Variants in PMM2 observed in about 807,000 individuals in gnomAD.
The protein encoded by PMM2 is phosphomannomutase 2, also known as mannose-6-phosphate isomerase.
PMM2 carries 35 observed loss-of-function variants against 33.2 expected under a neutral mutation model. The ratio of observed to expected loss-of-function variants is 1.06; its 90% CI spans 0.81 to 1.40. The LOEUF (loss-of-function observed/expected upper bound fraction) is 1.40. Ranked by LOEUF, PMM2 falls within the 40% of genes most tolerant of loss-of-function variation. PMM2 has a pLI of 0.00. For missense variants in PMM2, 386 were observed against 306.0 expected, an observed-to-expected ratio of 1.26 and a Z score of -1.95; for synonymous variants, 153 against 114.7, an observed-to-expected ratio of 1.33 and a Z score of -2.13.
intron 7 of PMM2, among the ~76,000 whole-genome samples, chr16:8,843,557 G>A (rs1027896802): frequency 6.6e-5 from 10 of 152,248 alleles, no homozygotes; most frequent in Admixed American, 6.5e-4. Context: ...GCTCCTGGGG[G>A]AGGAGGTTCT....
At position 8,833,027 on chromosome 16, in the gene PMM2, T is replaced by C; in HGVS notation, c.640-14697T>C. ...TATCCCCAGCTGCTAAAGCAATGCC[T>C]GGCGGGTAGAGGGTTTCGTGCGCGT... is the stretch of plus-strand genomic sequence containing the variant. On this transcript the variant is annotated intron_variant, in intron 7 of 7. Transcript: ENST00000268261. 3 of 485,680 alleles carry C rather than the reference T, an allele frequency of 6.2e-6. 1 individual carries two copies. The highest frequency in any genetic ancestry group is 8.0e-6 in the Non-Finnish European group (3 of 372,848). The allele number at this position is 485,680 out of a possible 1,614,324, so 30.1% of individuals were successfully genotyped here. A position where few individuals can be genotyped will look rare whatever the true frequency, so the allele number is the denominator to read the frequency against.
rs1402555831 is a variant in PMM2 at position 8,848,498 on chromosome 16, C to T, written c.*673C>T. 4 of 154,678 alleles carry T rather than the reference C, an allele frequency of 2.6e-5. No individual in the cohort carries two copies. The highest frequency in any genetic ancestry group is 1.9e-4 in the East Asian group (1 of 5,228). 9.6% of individuals were successfully genotyped at this position (154,678 alleles called of 1,614,324 possible). ...GTTTGCACCTCGGCTGGGCCGGATT[C>T]GGACCGGCTCTGTGTTCACTACACT... On this transcript the variant is annotated 3_prime_UTR_variant, in exon 8 of 8. Coordinates refer to ENST00000268261, the MANE Select transcript of PMM2 (RefSeq NM_000303.3).
intron 7 of PMM2, among the ~76,000 whole-genome samples, chr16:8,823,916 G>T (rs1432784315): frequency 2.6e-5 from 4 of 152,152 alleles, no homozygotes; most frequent in African/African-American, 4.8e-5. Context: ...GTTTATATTT[G>T]AAAGTATGTC....
intron 7 of PMM2, among the ~76,000 whole-genome samples, chr16:8,834,316 C>G (rs1207084510): frequency 1.3e-5 from 2 of 152,090 alleles, no homozygotes; most frequent in Non-Finnish European, 2.9e-5. Flanking sequence ...TACTAAGAGC[C>G]TGAGAAACTG....
chr16:8,823,780 G>C (rs2060751122), intron 7 of PMM2, among the ~76,000 whole-genome samples: 1 of 152,152 alleles, frequency 6.6e-6, no homozygotes, highest in Admixed American at 6.5e-5. Context: ...CTGTCAAAAA[G>C]TGACGGTCTT....
intron 7 of PMM2, among the ~76,000 whole-genome samples, chr16:8,822,367 G>C (rs185845004): frequency 2.6e-5 from 4 of 152,246 alleles, no homozygotes; most frequent in Admixed American, 2.6e-4. Flanking sequence ...AGCAATTTGG[G>C]GAGGTTCAGA....
chr16:8,847,286 C>G (rs1036477912), intron 7 of PMM2, among the ~76,000 whole-genome samples: 1 of 152,012 alleles, frequency 6.6e-6, no homozygotes, highest in Non-Finnish European at 1.5e-5. Flanking sequence ...CGCCACGTCC[C>G]TCATCACAGG....
chr16:8,813,695 A>G (rs897941913), intron 7 of PMM2, among the ~76,000 whole-genome samples: 2 of 151,988 alleles, frequency 1.3e-5, no homozygotes, highest in African/African-American at 4.8e-5. Context: ...GCCCAGTGTT[A>G]AAGGCCAGGG....
chr16:8,812,387 T>G (rs1227728201), intron 6 of PMM2, among the ~76,000 whole-genome samples: 2 of 152,242 alleles, frequency 1.3e-5, no homozygotes, highest in African/African-American at 2.4e-5. Flanking sequence ...GCTCAAAGCC[T>G]CCTCATTTTA....
intron 7 of PMM2, among the ~76,000 whole-genome samples, chr16:8,838,443 A>T (rs2060866998): frequency 6.6e-6 from 1 of 151,846 alleles, no homozygotes; most frequent in Admixed American, 6.6e-5. Context: ...AATAGTGTTG[A>T]AGTATTGGGG....
intron 7 of PMM2, among the ~76,000 whole-genome samples, chr16:8,840,295 A>T (rs996471651): frequency 1.3e-5 from 2 of 152,048 alleles, no homozygotes; most frequent in African/African-American, 2.4e-5. Context: ...GTGCCTTGCC[A>T]GCAAAGATCA....
chr16:8,829,317 CTG>C (rs2060796460), intron 7 of PMM2: 1 of 152,344 alleles, frequency 6.6e-6, no homozygotes, highest in Admixed American at 6.5e-5. Context: ...TTCCCATTCT[CTG>C]TAGCTTCCAG....
intron 3 of PMM2, among the ~76,000 whole-genome samples, chr16:8,805,611 T>C (rs2060643330): frequency 6.6e-6 from 1 of 151,634 alleles, no homozygotes; most frequent in Non-Finnish European, 1.5e-5. Flanking sequence ...TTTTCTTTTT[T>C]CGTGGTGGAA....
intron 5 of PMM2, 69 bp downstream of exon 5, chr16:8,811,247 G>A: frequency 9.5e-7 from 1 of 1,054,258 alleles, no homozygotes; most frequent in Non-Finnish European, 1.4e-6. Context: ...CTGGTGTGGT[G>A]GTTCATGCCT....
At position 8,848,267 on chromosome 16, in the gene PMM2, C is replaced by A. The variant is rs776473282; in HGVS notation, c.*442C>A. ...ACATGGGGGTTTGGTAATGAGAAAC[C>A]AGGACAGGCCATCTGCAGTGACCCA... On this transcript the variant is annotated 3_prime_UTR_variant, in exon 8 of 8. Transcript: ENST00000268261. 2 of 215,894 alleles carry A rather than the reference C, an allele frequency of 9.3e-6. No homozygotes were observed. Among genetic ancestry groups the A allele is most frequent in the Admixed American group, 5.2e-5 (1 of 19,078 alleles). 13.4% of individuals were successfully genotyped at this position (215,894 alleles called of 1,614,324 possible).
chr16:8,832,422 C>G, intron 7 of PMM2: 2 of 985,380 alleles, frequency 2.0e-6, no homozygotes, highest in Non-Finnish European at 1.2e-6. Context: ...TACATGCACA[C>G]AGATCACTCA....
chr16:8,802,811 T>A (rs1199768484), intron 2 of PMM2, among the ~76,000 whole-genome samples: 1 of 141,748 alleles, frequency 7.1e-6, no homozygotes, highest in East Asian at 2.1e-4. Flanking sequence ...GCCTGGGCAA[T>A]AAGAACGAAA....
At chr16:8,843,973 T>G (rs2060907409) in intron 7 of PMM2, among the ~76,000 whole-genome samples, 1 of 152,028 alleles carries the variant, frequency 6.6e-6, no homozygotes, top group South Asian at 2.1e-4. Flanking sequence ...AAGGAAGATT[T>G]GGGACGAGTT....
chr16:8,801,575 A>G (rs2060616510), intron 1 of PMM2, among the ~76,000 whole-genome samples: 1 of 152,130 alleles, frequency 6.6e-6, no homozygotes, highest in Non-Finnish European at 1.5e-5. Flanking sequence ...GGAGGCAGAG[A>G]TAGGAGGATC....
Sources: gnomAD v4.1 joint callset for allele counts (sites outside exome capture counted in the v4.1 genomes callset) on GRCh38, gnomAD v4.1.1 for gene constraint, MANE v1.5 for transcripts, NCBI Gene and HGNC (gene_info 2026-07-23, HGNC 2026-07-21) for gene names.